EMSY: variants seen among roughly 807,000 people sequenced by gnomAD.
EMSY encodes BRCA2-interacting transcriptional repressor EMSY.
In EMSY, 26 loss-of-function variants were observed where a neutral mutation model predicts 134.6. The ratio of observed to expected loss-of-function variants is 0.19; its 90% CI spans 0.14 to 0.27. The LOEUF (loss-of-function observed/expected upper bound fraction) is 0.27. Among genes scored for constraint, EMSY ranks in the 10% least tolerant of loss-of-function variants. The pLI, the probability that EMSY is intolerant of heterozygous loss-of-function variation, is 1.00. For missense variants in EMSY, 1,305 were observed against 1,611.4 expected, an observed-to-expected ratio of 0.81 and a Z score of 3.26; for synonymous variants, 579 against 577.8, an observed-to-expected ratio of 1.00 and a Z score of -0.03.
At chr11:76,546,031 C>T in exon 20 of EMSY, 1 of 1,614,082 alleles carries the variant, frequency 6.2e-7, no homozygotes, top group Non-Finnish European at 8.5e-7. Context: ...GATAGTGGAT[C>T]CCCCAAAGAA....
At chr11:76,515,240 T>G (rs2136148697) in intron 10 of EMSY, among the ~76,000 whole-genome samples, 1 of 151,996 alleles carries the variant, frequency 6.6e-6, no homozygotes, top group East Asian at 1.9e-4. Context: ...TGAAAATGGC[T>G]ATCAAAGTGG....
chr11:76,451,501 A>T (rs952253980), intron 2 of EMSY, among the ~76,000 whole-genome samples: 4 of 152,230 alleles, frequency 2.6e-5, no homozygotes, highest in African/African-American at 7.2e-5. Context: ...TAATGAAGAT[A>T]CCTTTTAGTA....
chr11:76,494,646 TTTCCCTTCCTTCCTTCC>T (rs1223050594), intron 8 of EMSY, among the ~76,000 whole-genome samples: 3 of 141,174 alleles, frequency 2.1e-5, no homozygotes, highest in Non-Finnish European at 4.7e-5. Context: ...TCTCCTTTCC[TTTCCCTTCCTTCCTTCC>T]TTCCTTCCTT....
intron 12 of EMSY, among the ~76,000 whole-genome samples, chr11:76,523,873 C>T (rs550122634): frequency 7.1e-4 from 107 of 151,540 alleles, no homozygotes; most frequent in African/African-American, 2.5e-3. Flanking sequence ...AGCAAGACCC[C>T]CACCTCTACC....
intron 9 of EMSY, among the ~76,000 whole-genome samples, chr11:76,502,882 A>G (rs1012860908): frequency 1.3e-5 from 2 of 152,228 alleles, no homozygotes; most frequent in Non-Finnish European, 2.9e-5. Context: ...TATAGATTCA[A>G]TGCAACCTAT....
intron 20 of EMSY, among the ~76,000 whole-genome samples, chr11:76,549,698 AC>A (rs1481344963): frequency 6.6e-6 from 1 of 152,058 alleles, no homozygotes; most frequent in Non-Finnish European, 1.5e-5. Context: ...TAAGTCATCT[AC>A]CCTCTCAGTT....
chr11:76,506,165 TA>T (rs1006469690), intron 9 of EMSY, among the ~76,000 whole-genome samples: 109 of 150,714 alleles, frequency 7.2e-4, no homozygotes, highest in African/African-American at 2.5e-3. Context: ...TCCAGGGCAT[TA>T]AAAAAAAACT....
At chr11:76,497,594 T>C (rs1174233555) in intron 9 of EMSY, among the ~76,000 whole-genome samples, 1 of 152,152 alleles carries the variant, frequency 6.6e-6, no homozygotes, top group Non-Finnish European at 1.5e-5. Context: ...TTTTGAGGAA[T>C]TGATCCATTT....
At chr11:76,541,292 G>C (rs1020869199) in intron 17 of EMSY, among the ~76,000 whole-genome samples, 3 of 152,096 alleles carry the variant, frequency 2.0e-5, no homozygotes, top group African/African-American at 7.2e-5. Context: ...TTACTTCATG[G>C]GACCTTTGTA....
chr11:76,449,760 C>T (rs1006368459), intron 2 of EMSY, among the ~76,000 whole-genome samples: 2 of 152,168 alleles, frequency 1.3e-5, no homozygotes, highest in African/African-American at 4.8e-5. Context: ...TGTTCTCTTC[C>T]ATGTGTGAAC....
At chr11:76,546,079 T>C (rs1287095246) in exon 20 of EMSY, 4 of 1,614,174 alleles carry the variant, frequency 2.5e-6, no homozygotes, top group Admixed American at 3.3e-5. Flanking sequence ...TGAAGCAGGA[T>C]CATTACCCTC....
At chr11:76,542,723 G>A (rs1453438133) in intron 18 of EMSY, among the ~76,000 whole-genome samples, 1 of 141,354 alleles carries the variant, frequency 7.1e-6, no homozygotes, top group Admixed American at 6.9e-5. Flanking sequence ...GCTGTTTGCT[G>A]CTGGGTTTGT....
intron 8 of EMSY, among the ~76,000 whole-genome samples, chr11:76,487,483 C>T (rs1030791700): frequency 6.6e-6 from 1 of 152,092 alleles, no homozygotes; most frequent in East Asian, 1.9e-4. Flanking sequence ...TATTTTTTAA[C>T]GGTATCAGTA....
chr11:76,474,772 T>G (rs978567200), intron 8 of EMSY, among the ~76,000 whole-genome samples: 2 of 152,212 alleles, frequency 1.3e-5, no homozygotes. Context: ...TACAGAAATA[T>G]ATATTTTTTG....
chr11:76,518,703 A>ATTTTTTT (rs67729914), intron 11 of EMSY, among the ~76,000 whole-genome samples: 15 of 130,204 alleles, frequency 1.2e-4, no homozygotes, highest in Admixed American at 2.4e-4. Flanking sequence ...ATATATATAT[A>ATTTTTTT]TTTTTTTTTT....
chr11:76,518,703 A>ATATATATATATTTTTT (rs57143914), intron 11 of EMSY, among the ~76,000 whole-genome samples: 14 of 130,192 alleles, frequency 1.1e-4, no homozygotes, highest in Admixed American at 5.7e-4. Flanking sequence ...ATATATATAT[A>ATATATATATATTTTTT]TTTTTTTTTT....
chr11:76,475,195 G>A (rs1035031622), intron 8 of EMSY, among the ~76,000 whole-genome samples: 14 of 152,158 alleles, frequency 9.2e-5, no homozygotes, highest in African/African-American at 3.4e-4. Context: ...CGACTGATCC[G>A]TGTATCAACA....
intron 10 of EMSY, among the ~76,000 whole-genome samples, chr11:76,513,922 GTCCCAACCCACAAGGATT>G (rs1383930437): frequency 6.6e-6 from 1 of 152,136 alleles, no homozygotes; most frequent in Non-Finnish European, 1.5e-5. Context: ...AATTAAAACA[GTCCCAACCCACAAGGATT>G]TCACTCTGAT....
At chr11:76,471,214 T>G (rs1052945546) in intron 7 of EMSY, among the ~76,000 whole-genome samples, 3 of 152,150 alleles carry the variant, frequency 2.0e-5, no homozygotes, top group Non-Finnish European at 4.4e-5. Context: ...AATGATTTTT[T>G]AAAAAATGGA....
Sources: gnomAD v4.1 joint callset for allele counts (sites outside exome capture counted in the v4.1 genomes callset) on GRCh38, gnomAD v4.1.1 for gene constraint, MANE v1.5 for transcripts, NCBI Gene and HGNC (gene_info 2026-07-23, HGNC 2026-07-21) for gene names.